The following CRISPLD2 variants were observed in gnomAD, a reference collection of about 807,000 sequenced individuals.
CRISPLD2 encodes the protein cysteine-rich secretory protein LCCL domain-containing 2.
A neutral mutation model predicts 71.1 loss-of-function variants in CRISPLD2; 47 were observed. The observed-to-expected ratio is 0.66, with a 90% confidence interval of 0.52 to 0.84. CRISPLD2 has a LOEUF of 0.84. Among genes scored for constraint, CRISPLD2 ranks in the 40% least tolerant of loss-of-function variants. The pLI is 0.00. For synonymous variants in CRISPLD2, 317 were observed against 250.1 expected, an observed-to-expected ratio of 1.27 and a Z score of -2.52; for missense variants, 830 against 651.1, an observed-to-expected ratio of 1.27 and a Z score of -2.99.
At chr16:84,829,784 A>G (rs1466082556) in intron 1 of CRISPLD2, among the ~76,000 whole-genome samples, 1 of 152,174 alleles carries the variant, frequency 6.6e-6, no homozygotes, top group Admixed American at 6.5e-5. Flanking sequence ...CCTCAGTTTC[A>G]TCGTCTGTAA....
intron 6 of CRISPLD2, among the ~76,000 whole-genome samples, chr16:84,862,537 C>T (rs1917412589): frequency 6.6e-6 from 1 of 152,118 alleles, no homozygotes. Flanking sequence ...TCCACTTCTG[C>T]TACTATAAAT....
At chr16:84,823,570 A>AC (rs1389152015) in intron 1 of CRISPLD2, among the ~76,000 whole-genome samples, 41 of 152,320 alleles carry the variant, frequency 2.7e-4, no homozygotes, top group African/African-American at 9.4e-4. Context: ...CACCTGGGTC[A>AC]CAGCAGCAGC....
At chr16:84,843,106 G>C (rs2143189741) in intron 2 of CRISPLD2, among the ~76,000 whole-genome samples, 1 of 152,296 alleles carries the variant, frequency 6.6e-6, no homozygotes, top group Non-Finnish European at 1.5e-5. Context: ...TGTTTACTTG[G>C]TGATGTTTCA....
intron 6 of CRISPLD2, among the ~76,000 whole-genome samples, chr16:84,861,169 C>T (rs1054312871): frequency 6.6e-6 from 1 of 152,104 alleles, no homozygotes. Flanking sequence ...AAGTAGAGTC[C>T]TTAGCATTTT....
intron 5 of CRISPLD2, among the ~76,000 whole-genome samples, chr16:84,851,033 T>A (rs1295926810): frequency 6.6e-6 from 1 of 152,136 alleles, no homozygotes; most frequent in East Asian, 1.9e-4. Context: ...ATTAGACCAA[T>A]CATAGATGAG....
intron 14 of CRISPLD2, among the ~76,000 whole-genome samples, chr16:84,902,759 A>T (rs2071766462): frequency 6.8e-6 from 1 of 147,460 alleles, no homozygotes; most frequent in African/African-American, 2.5e-5. Flanking sequence ...TTTTTTGGAA[A>T]ATCGGCCCAT....
In CRISPLD2 at chr16:84,880,350, G is replaced by T. The variant is rs1380482357; in HGVS notation, c.1230-159G>T. Among the ~76,000 whole-genome samples the T allele has an allele frequency of 5.3e-5, 8 of 151,838 alleles. No individual in the cohort carries two copies. In the East Asian group the frequency reaches 1.5e-3, roughly 29 times the overall value. ...ATAGTAATATCTTTACCTCTGCTGA[G>T]GGGGGAGAAGTATTGTTTTTTTTCT... On this transcript the variant is annotated intron_variant, in intron 12 of 14. Coordinates refer to ENST00000262424, the MANE Select transcript of CRISPLD2 (RefSeq NM_031476.4).
rs766088331 is a variant in CRISPLD2, at chr16:84,906,701, T to TTTTTATTTTGTCATTTTTA, written c.*74_*75insTTTATTTTATTTTGTCATT. ...GGAGGGCTTCGGGGTTTTGCTTTTA[T>TTTTTATTTTGTCATTTTTA]TTTTATTTTGTCATTGCGGGGTATA... On this transcript the variant is annotated 3_prime_UTR_variant, in exon 15 of 15. Coordinates refer to ENST00000262424, the MANE Select transcript of CRISPLD2 (RefSeq NM_031476.4). 6.3e-7 allele frequency: 1 copy of TTTTTATTTTGTCATTTTTA among 1,590,218 alleles called. No individual in the cohort carries two copies. The highest frequency in any genetic ancestry group is 1.1e-5 in the South Asian group (1 of 90,598).
intron 1 of CRISPLD2, among the ~76,000 whole-genome samples, chr16:84,834,728 G>T (rs569965374): frequency 9.2e-5 from 14 of 152,196 alleles, no homozygotes; most frequent in Non-Finnish European, 2.1e-4. Flanking sequence ...AGAAGTCTAA[G>T]ATCAAGGTGC....
At chr16:84,870,794 C>G (rs937201638) in intron 8 of CRISPLD2, among the ~76,000 whole-genome samples, 1 of 152,030 alleles carries the variant, frequency 6.6e-6, no homozygotes, top group Non-Finnish European at 1.5e-5. Context: ...TACGGTGGCT[C>G]AAGCCTGTAA....
At chr16:84,840,656 A>G (rs1477247440) in intron 2 of CRISPLD2, among the ~76,000 whole-genome samples, 1 of 151,966 alleles carries the variant, frequency 6.6e-6, no homozygotes. Context: ...ACAGGCTTGC[A>G]CCACCACGCC....
chr16:84,867,182 G>A, intron 7 of CRISPLD2, 142 bp downstream of exon 7: 2 of 791,744 alleles, frequency 2.5e-6, no homozygotes, highest in East Asian at 2.7e-5. Flanking sequence ...GCTCATGGAG[G>A]CACAACCATA....
At chr16:84,900,850 G>A (rs1346178056) in intron 14 of CRISPLD2, among the ~76,000 whole-genome samples, 2 of 152,158 alleles carry the variant, frequency 1.3e-5, no homozygotes, top group South Asian at 2.1e-4. Context: ...CCAGGAGTTC[G>A]AGACCAGCAT....
intron 14 of CRISPLD2, among the ~76,000 whole-genome samples, chr16:84,889,684 C>T (rs1178133851): frequency 6.6e-6 from 1 of 151,208 alleles, no homozygotes; most frequent in East Asian, 1.9e-4. Flanking sequence ...AAACAGTCAT[C>T]CATAACTCAT....
At chr16:84,898,537 T>G (rs1332812658) in intron 14 of CRISPLD2, among the ~76,000 whole-genome samples, 5 of 152,142 alleles carry the variant, frequency 3.3e-5, no homozygotes, top group African/African-American at 9.7e-5. Flanking sequence ...GGCCCCTCCC[T>G]AGGCAGCGTT....
At chr16:84,824,075 C>A (rs549115159) in intron 1 of CRISPLD2, among the ~76,000 whole-genome samples, 1 of 152,068 alleles carries the variant, frequency 6.6e-6, no homozygotes, top group African/African-American at 2.4e-5. Context: ...CTGATAACGC[C>A]TAGAGGAAAC....
At chr16:84,835,112 T>G (rs576448222) in intron 1 of CRISPLD2, among the ~76,000 whole-genome samples, 3 of 152,058 alleles carry the variant, frequency 2.0e-5, no homozygotes, top group African/African-American at 7.2e-5. Context: ...TTTTTTGAGG[T>G]GAAGTTTTGC....
chr16:84,862,662 G>C (rs911430695), intron 6 of CRISPLD2, among the ~76,000 whole-genome samples: 30 of 146,310 alleles, frequency 2.1e-4, no homozygotes, highest in African/African-American at 5.1e-5. Context: ...CCATGCTCGT[G>C]TGGCCCAGGC....
chr16:84,859,685 G>T (rs1917331634), intron 6 of CRISPLD2, among the ~76,000 whole-genome samples: 1 of 152,228 alleles, frequency 6.6e-6, no homozygotes, highest in Non-Finnish European at 1.5e-5. Context: ...AAGTGGGAAT[G>T]TAGTAGGCTT....
Sources: gnomAD v4.1 joint callset for allele counts (sites outside exome capture counted in the v4.1 genomes callset) on GRCh38, gnomAD v4.1.1 for gene constraint, MANE v1.5 for transcripts, NCBI Gene and HGNC (gene_info 2026-07-23, HGNC 2026-07-21) for gene names.